Variants in EIPR1 observed in about 807,000 individuals in gnomAD.
EIPR1 encodes EARP complex and GARP complex interacting protein 1.
In EIPR1, 25 loss-of-function variants were observed where a neutral mutation model predicts 48.1. The observed-to-expected ratio is 0.52, with a 90% CI of 0.38 to 0.73. The LOEUF is 0.73. EIPR1 is among the 30% of genes least tolerant of loss of function. The pLI is 0.00. For synonymous variants in EIPR1, 204 were observed against 201.9 expected (o/e 1.01, Z -0.09); for missense variants, 415 against 506.2 (o/e 0.82, Z 1.73).
intron 4 of EIPR1, among the ~76,000 whole-genome samples, chr2:3,243,161 C>T (rs956537475): frequency 5.3e-5 from 8 of 152,174 alleles, no homozygotes; most frequent in East Asian, 1.9e-4. Context: ...CAAATAACCC[C>T]GTTTAAAGTC....
At chr2:3,278,551 G>T (rs1667927207) in intron 3 of EIPR1, among the ~76,000 whole-genome samples, 1 of 152,068 alleles carries the variant, frequency 6.6e-6, no homozygotes, top group Non-Finnish European at 1.5e-5. Flanking sequence ...AGGCAGCCAG[G>T]CCCAGCTCAC....
chr2:3,274,258 G>C (rs1667781803), intron 3 of EIPR1: 1 of 1,517,194 alleles, frequency 6.6e-7, no homozygotes, highest in South Asian at 1.3e-5. Flanking sequence ...CTATCTCCAA[G>C]TACCATAATT....
intron 3 of EIPR1, among the ~76,000 whole-genome samples, chr2:3,334,862 CAGAA>C (rs1669998068): frequency 6.6e-6 from 1 of 152,232 alleles, no homozygotes; most frequent in African/African-American, 2.4e-5. Flanking sequence ...CAAAGTCTGG[CAGAA>C]AGAGTCAGTC....
At chr2:3,373,767 T>G (rs1659773398) in intron 1 of EIPR1, among the ~76,000 whole-genome samples, 1 of 151,796 alleles carries the variant, frequency 6.6e-6, no homozygotes, top group East Asian at 1.9e-4. Context: ...TGCTCATGGG[T>G]AGGAAGAATC....
intron 3 of EIPR1, among the ~76,000 whole-genome samples, chr2:3,283,811 C>T (rs953476439): frequency 4.6e-5 from 7 of 152,018 alleles, no homozygotes; most frequent in Admixed American, 6.5e-5. Context: ...GGCGTGGTGG[C>T]GGCTGTCTGT....
At chr2:3,340,857 G>A (rs1269072351) in intron 2 of EIPR1, among the ~76,000 whole-genome samples, 1 of 152,086 alleles carries the variant, frequency 6.6e-6, no homozygotes, top group African/African-American at 2.4e-5. Context: ...AGCACTTTGG[G>A]AAGCCAAGAT....
At chr2:3,224,354 G>A (rs1241095808) in intron 4 of EIPR1, among the ~76,000 whole-genome samples, 2 of 152,140 alleles carry the variant, frequency 1.3e-5, no homozygotes. Context: ...CCTACCATGC[G>A]CCCGGCTTTA....
intron 4 of EIPR1, among the ~76,000 whole-genome samples, chr2:3,246,867 A>AGGAGGAAG (rs1558248852): frequency 1.6e-3 from 36 of 22,782 alleles, no homozygotes; most frequent in African/African-American, 6.6e-3. Flanking sequence ...AAGGGAGGGA[A>AGGAGGAAG]GGAGGGAGGG....
At chr2:3,299,343 C>T (rs1474494933) in intron 3 of EIPR1, among the ~76,000 whole-genome samples, 2 of 135,098 alleles carry the variant, frequency 1.5e-5, no homozygotes, top group Non-Finnish European at 3.3e-5. Flanking sequence ...CCTTGTCCTG[C>T]AGTGCTCGGC....
rs1214394853 is a variant in EIPR1 at position 3,199,060 on chromosome 2, G to GCCCC, written c.517-2044_517-2043insGGGG. On this transcript the variant is annotated intron_variant, in intron 5 of 8. Transcript: ENST00000382125. ...CACCCCCAGAGTGGCCATTTTAGAGGGCCCCCCCCCCGCCCCGGGAATGCA... is the reference window on the plus strand; with the variant it reads ...CACCCCCAGAGTGGCCATTTTAGAGGCCCCGCCCCCCCCCCGCCCCGGGAATGCA... Among the ~76,000 whole-genome samples, 30 of 23,340 alleles carry GCCCC rather than the reference G, an allele frequency of 1.3e-3. 1 individual carries two copies. The highest frequency in any genetic ancestry group is 2.2e-3 in the African/African-American group (13 of 5,828). 15.3% of individuals were successfully genotyped at this position (23,340 alleles called of 152,430 possible). A position where few individuals can be genotyped will look rare whatever the true frequency, so the allele number is the denominator to read the frequency against.
intron 5 of EIPR1, chr2:3,208,385 TG>T: frequency 7.2e-7 from 1 of 1,389,234 alleles, no homozygotes; most frequent in Non-Finnish European, 9.5e-7. Flanking sequence ...GCATCAGACC[TG>T]ACCCACAGCC....
intron 1 of EIPR1, among the ~76,000 whole-genome samples, chr2:3,356,027 T>C (rs1466063262): frequency 6.6e-6 from 1 of 152,124 alleles, no homozygotes; most frequent in East Asian, 1.9e-4. Flanking sequence ...AACTATTCCA[T>C]GTTGGGGTGA....
At chr2:3,304,703 G>A (rs936499966) in intron 3 of EIPR1, among the ~76,000 whole-genome samples, 20 of 140,642 alleles carry the variant, frequency 1.4e-4, no homozygotes, top group African/African-American at 5.4e-4. Context: ...CTCCACTCCC[G>A]TCCAATTCAG....
intron 3 of EIPR1, among the ~76,000 whole-genome samples, chr2:3,327,384 A>G (rs917586505): frequency 6.6e-6 from 1 of 152,140 alleles, no homozygotes; most frequent in Non-Finnish European, 1.5e-5. Flanking sequence ...GGGTTTCACC[A>G]TGTTGGCCAG....
intron 1 of EIPR1, 88 bp from the exon 2 acceptor site, chr2:3,354,721 C>A: frequency 3.1e-6 from 4 of 1,294,148 alleles, no homozygotes; most frequent in Non-Finnish European, 4.4e-6. Context: ...CAGTTTATCT[C>A]ATCTACTGTT....
At chr2:3,215,169 A>G (rs1665588946) in intron 4 of EIPR1, among the ~76,000 whole-genome samples, 2 of 152,218 alleles carry the variant, frequency 1.3e-5, no homozygotes, top group African/African-American at 4.8e-5. Context: ...GTAACTAAGG[A>G]ATGGACACTG....
chr2:3,296,376 C>T (rs1668595997), intron 3 of EIPR1, among the ~76,000 whole-genome samples: 1 of 138,318 alleles, frequency 7.2e-6, no homozygotes, highest in African/African-American at 2.7e-5. Context: ...CCATCCAGCC[C>T]ATCCTCTCTC....
At chr2:3,318,417 G>C (rs914189222) in intron 3 of EIPR1, among the ~76,000 whole-genome samples, 9 of 152,178 alleles carry the variant, frequency 5.9e-5, no homozygotes, top group Non-Finnish European at 1.3e-4. Context: ...TAGTGATCTG[G>C]AAGGAGCCAT....
At chr2:3,327,102 C>T (rs1233987888) in intron 3 of EIPR1, among the ~76,000 whole-genome samples, 2 of 152,170 alleles carry the variant, frequency 1.3e-5, no homozygotes, top group Non-Finnish European at 2.9e-5. Flanking sequence ...ACACAGGGGC[C>T]GGGAGATGGG....
Sources: gnomAD v4.1 joint callset for allele counts (sites outside exome capture counted in the v4.1 genomes callset) on GRCh38, gnomAD v4.1.1 for gene constraint, MANE v1.5 for transcripts, NCBI Gene and HGNC (gene_info 2026-07-23, HGNC 2026-07-21) for gene names.